The following NRG1 variants were observed in gnomAD, a reference collection of about 807,000 sequenced individuals.
NRG1 encodes the protein neuregulin 1, also known as pro-neuregulin-1, membrane-bound isoform.
NRG1 carries 18 observed loss-of-function variants against 63.8 expected under a neutral mutation model. The observed-to-expected ratio is 0.28, with a 90% confidence interval of 0.19 to 0.42. The LOEUF is 0.42. Ranked by LOEUF, NRG1 falls within the 10% of genes least tolerant of loss-of-function variation. The pLI is 1.00. For missense variants in NRG1, 762 were observed against 814.7 expected (o/e 0.94, Z 0.79); for synonymous variants, 302 against 301.3 (o/e 1.00, Z -0.02).
chr8:32,315,335 G>A (rs1205360220), intron 1 of NRG1, among the ~76,000 whole-genome samples: 3 of 152,214 alleles, frequency 2.0e-5, no homozygotes, highest in Non-Finnish European at 2.9e-5. Context: ...AACATGCTGA[G>A]TTTGGTTTTC....
intron 1 of NRG1, among the ~76,000 whole-genome samples, chr8:32,501,110 C>G (rs1476675849): frequency 6.6e-6 from 1 of 152,174 alleles, no homozygotes. Flanking sequence ...CTGCGTGAGC[C>G]TTCAGAAAAG....
intron 1 of NRG1, among the ~76,000 whole-genome samples, chr8:31,876,643 A>G (rs1390806679): frequency 6.6e-6 from 1 of 152,202 alleles, no homozygotes; most frequent in Non-Finnish European, 1.5e-5. Flanking sequence ...TTCAAGCAGT[A>G]GAAATTTTTA....
intron 1 of NRG1, among the ~76,000 whole-genome samples, chr8:32,091,038 G>C: frequency 6.6e-6 from 1 of 152,174 alleles, no homozygotes; most frequent in African/African-American, 2.4e-5. Flanking sequence ...CCAGAACTCT[G>C]GGAGGCCGAG....
At chr8:32,461,723 A>T (rs995603894) in intron 1 of NRG1, among the ~76,000 whole-genome samples, 1 of 152,130 alleles carries the variant, frequency 6.6e-6, no homozygotes, top group South Asian at 2.1e-4. Context: ...CTCAGAGAAG[A>T]TATCCTAGAA....
At chr8:31,741,517 AT>A (rs1160124793) in intron 1 of NRG1, among the ~76,000 whole-genome samples, 6 of 152,206 alleles carry the variant, frequency 3.9e-5, no homozygotes, top group African/African-American at 1.4e-4. Context: ...CATAAGGAAC[AT>A]CTAAAAGTCA....
chr8:32,506,128 T>C (rs548170967), intron 1 of NRG1, among the ~76,000 whole-genome samples: 2 of 152,272 alleles, frequency 1.3e-5, no homozygotes, highest in East Asian at 3.9e-4. Context: ...TGTACATCTG[T>C]AGTCTCAGCT....
chr8:32,356,984 T>C (rs1187029755), intron 1 of NRG1, among the ~76,000 whole-genome samples: 2 of 152,242 alleles, frequency 1.3e-5, no homozygotes, highest in African/African-American at 4.8e-5. Flanking sequence ...TTAAATCAAC[T>C]TGTAAATAAT....
chr8:31,735,093 G>C (rs1428195982), intron 1 of NRG1, among the ~76,000 whole-genome samples: 2 of 152,108 alleles, frequency 1.3e-5, no homozygotes, highest in African/African-American at 4.8e-5. Flanking sequence ...ATTCTACTGG[G>C]GGAATTTCCA....
intron 1 of NRG1, among the ~76,000 whole-genome samples, chr8:32,275,366 G>A (rs7822564): frequency 0.72 from 108,837 of 152,028 alleles, 39,486 homozygotes; most frequent in East Asian, 0.82. Context: ...AATATACAGC[G>A]ATAGGCAACA....
intron 1 of NRG1, among the ~76,000 whole-genome samples, chr8:32,483,712 T>G (rs1825571626): frequency 6.6e-6 from 1 of 152,274 alleles, no homozygotes; most frequent in Non-Finnish European, 1.5e-5. Context: ...CTTACACTAC[T>G]GAGAAGAGGG....
At chr8:32,476,295 G>A (rs888381965) in intron 1 of NRG1, among the ~76,000 whole-genome samples, 1 of 152,198 alleles carries the variant, frequency 6.6e-6, no homozygotes, top group African/African-American at 2.4e-5. Flanking sequence ...GGTCATATAT[G>A]AAAGGGATGA....
chr8:32,185,083 G>GA (rs1384648724), intron 1 of NRG1, among the ~76,000 whole-genome samples: 1 of 152,082 alleles, frequency 6.6e-6, no homozygotes, highest in African/African-American at 2.4e-5. Context: ...TTACTCTGGG[G>GA]AAAATCTTCT....
intron 1 of NRG1, among the ~76,000 whole-genome samples, chr8:32,178,324 C>T (rs945824531): frequency 5.3e-5 from 8 of 152,018 alleles, no homozygotes; most frequent in African/African-American, 1.7e-4. Flanking sequence ...AGAAAGACCA[C>T]CCTGGTCAGG....
At chr8:32,540,217 TA>T (rs1477307403) in intron 1 of NRG1, among the ~76,000 whole-genome samples, 5 of 152,110 alleles carry the variant, frequency 3.3e-5, no homozygotes, top group African/African-American at 1.2e-4. Context: ...TAGATTTTAA[TA>T]AAAGTTTCTT....
intron 5 of NRG1, among the ~76,000 whole-genome samples, chr8:32,640,913 T>C (rs1230030180): frequency 6.6e-6 from 1 of 151,918 alleles, no homozygotes; most frequent in Non-Finnish European, 1.5e-5. Context: ...TGAGTTATGA[T>C]TGCACCATTG....
intron 1 of NRG1, among the ~76,000 whole-genome samples, chr8:32,033,894 A>G (rs1480332280): frequency 6.6e-6 from 1 of 152,176 alleles, no homozygotes; most frequent in Admixed American, 6.5e-5. Flanking sequence ...TCATCTACAG[A>G]CAAAGACAAT....
In NRG1 at chr8:32,530,193, C is replaced by T. The variant is rs550141618; in HGVS notation, c.38-65635C>T. 2.8e-3 allele frequency among the ~76,000 whole-genome samples: 422 copies of T among 151,956 alleles called. 5 individuals are homozygous for T. The highest frequency in any genetic ancestry group is 3.4e-3 in the Middle Eastern group (1 of 294). ...TGCTATCTCGGCTCACTGCAAGGTCCGCCTCCCGGGTTCATGCCATTCTCC... is the reference window on the plus strand; with the variant it reads ...TGCTATCTCGGCTCACTGCAAGGTCTGCCTCCCGGGTTCATGCCATTCTCC... On this transcript the variant is annotated intron_variant, in intron 1 of 10. Transcript: ENST00000519301.
intron 11 of NRG1, chr8:32,760,799 C>T (rs1232024921): frequency 2.9e-6 from 3 of 1,020,776 alleles, no homozygotes; most frequent in Non-Finnish European, 3.5e-6. Context: ...TATCCAAACT[C>T]TGATTCGGTG....
intron 1 of NRG1, among the ~76,000 whole-genome samples, chr8:32,072,130 A>G (rs761377438): frequency 9.9e-5 from 15 of 152,144 alleles, no homozygotes; most frequent in Non-Finnish European, 1.3e-4. Flanking sequence ...TCGCCATTAA[A>G]TAAACTTAAG....
Sources: allele counts gnomAD v4.1 joint callset (sites outside exome capture counted in the v4.1 genomes callset), GRCh38; gene constraint gnomAD v4.1.1; transcripts MANE v1.5; gene names NCBI Gene and HGNC (gene_info 2026-07-23, HGNC 2026-07-21).